ADAMTS20: variants seen among roughly 807,000 people sequenced by gnomAD.
ADAMTS20 encodes the protein A disintegrin and metalloproteinase with thrombospondin motifs 20.
A neutral mutation model predicts 260.1 loss-of-function variants in ADAMTS20; 225 were observed. That is an observed-to-expected ratio of 0.87 (90% CI 0.78 to 0.97). The LOEUF is 0.97. Ranked by LOEUF, ADAMTS20 falls within the 50% of genes least tolerant of loss-of-function variation. The pLI is 0.00. For missense variants in ADAMTS20, 2,400 were observed against 2,337.7 expected, an observed-to-expected ratio of 1.03 and a Z score of -0.55; for synonymous variants, 802 against 769.5, an observed-to-expected ratio of 1.04 and a Z score of -0.70.
At chr12:43,528,606 G>A (rs1264477840) in intron 3 of ADAMTS20, among the ~76,000 whole-genome samples, 1 of 151,934 alleles carries the variant, frequency 6.6e-6, no homozygotes, top group East Asian at 1.9e-4. Flanking sequence ...ATAGTCACCT[G>A]TAGAAGAATG....
chr12:43,451,692 A>T lies in ADAMTS20; in HGVS notation c.2079+582T>A, dbSNP rs531267706. Among the ~76,000 whole-genome samples the T allele has an allele frequency of 7.2e-5, 11 of 152,194 alleles. No individual in the cohort carries two copies. In the East Asian group the frequency reaches 2.1e-3, roughly 29 times the overall value. ...ATATCTCCATGCTACCTTGCAGATGACCCATAGCAGTGCATTCTAATTGTT... is the reference window on the plus strand; with the variant it reads ...ATATCTCCATGCTACCTTGCAGATGTCCCATAGCAGTGCATTCTAATTGTT... On this transcript the variant is annotated intron_variant, in intron 14 of 38. Transcript: ENST00000389420.
rs1241816884 is a variant in ADAMTS20 at position 43,552,104 on chromosome 12, G to T, written c.-183C>A. 6.6e-6 allele frequency among the ~76,000 whole-genome samples: 1 copy of T among 152,184 alleles called. No homozygotes were observed. Among genetic ancestry groups the T allele is most frequent in the African/African-American group, 2.4e-5 (1 of 41,454 alleles). The stretch of plus-strand genomic sequence containing the variant: ...CCAGCCACACCGCCTGTCTCCGCTC[G>T]CTGAGCCGCTGCTTCATCGCACTGC... On this transcript the variant is annotated 5_prime_UTR_variant, in exon 1 of 39. Transcript: ENST00000389420.
chr12:43,464,599 G>T lies in ADAMTS20; in HGVS notation c.1501C>A (p.Pro501Thr), dbSNP rs780705641. ...LAFGPGSQMC[P>T]HINICMHLWC... ...GAATTTTCTTTTCTTACTATATGGG[G>T]ACACATTTGTGACCCAGGACCAAAC... is the stretch of plus-strand genomic sequence containing the variant. The change falls in exon 10 of 39, where the codon CCC becomes ACC. Residue 501 changes from proline to threonine, a missense_variant. Physicochemically the swap from Pro to Thr is conservative, Grantham distance 38 (BLOSUM62 -1). Transcript: ENST00000389420. The T allele has an allele frequency of 2.9e-5, 47 of 1,612,008 alleles. No homozygotes were observed. The highest frequency in any genetic ancestry group is 3.5e-5 in the Non-Finnish European group (41 of 1,179,138).
At chr12:43,462,259 C>A (rs1021212634) in intron 11 of ADAMTS20, among the ~76,000 whole-genome samples, 11 of 152,214 alleles carry the variant, frequency 7.2e-5, no homozygotes, top group African/African-American at 2.7e-4. Context: ...AGACTAAACA[C>A]TTAATGTAGT....
Position 43,492,452 on chromosome 12 carries a change from G to C in ADAMTS20, c.1076+53C>G. ...AGAATTAAGAAGAAGTATCAGTCAT[G>C]CAGGAGGGAAGAGTAAAGGATTGTA... is the stretch of plus-strand genomic sequence containing the variant. On this transcript the variant is annotated intron_variant, in intron 6 of 38. Coordinates refer to ENST00000389420, the MANE Select transcript of ADAMTS20 (RefSeq NM_025003.5). 2.6e-6 allele frequency: 4 copies of C among 1,565,274 alleles called. 1 individual carries two copies. In the South Asian group the frequency reaches 4.6e-5, roughly 18 times the overall value.
At chr12:43,507,358 T>C (rs931824908) in intron 3 of ADAMTS20, among the ~76,000 whole-genome samples, 15 of 152,202 alleles carry the variant, frequency 9.9e-5, no homozygotes, top group African/African-American at 3.6e-4. Flanking sequence ...TGCTAGCTGA[T>C]GTAGCAGCAC....
At chr12:43,452,948 A>T (rs1326055307) in intron 12 of ADAMTS20, among the ~76,000 whole-genome samples, 1 of 152,204 alleles carries the variant, frequency 6.6e-6, no homozygotes, top group Non-Finnish European at 1.5e-5. Context: ...CTAGCAAGAA[A>T]CCAACAATGG....
chr12:43,537,775 T>G (rs1175131359), intron 2 of ADAMTS20, among the ~76,000 whole-genome samples: 2 of 152,232 alleles, frequency 1.3e-5, no homozygotes, highest in African/African-American at 4.8e-5. Context: ...GTGTACATCT[T>G]TATGTGCCTG....
rs1312415510 is a variant in ADAMTS20, at chr12:43,474,343, A to G, written c.1118-5638T>C. Among the ~76,000 whole-genome samples, 6 of 149,128 alleles carry G rather than the reference A, an allele frequency of 4.0e-5. No individual in the cohort carries two copies. The South Asian group carries it at 1.1e-3, about 27-fold the overall frequency. ...AACAGGAGCTGAAATTGTGGCAATA[A>G]TCAATAGTTTACCAACCAAAAAGAG... On this transcript the variant is annotated intron_variant, in intron 7 of 38. Transcript: ENST00000389420.
At chr12:43,499,138 T>C (rs1478868247) in intron 4 of ADAMTS20, among the ~76,000 whole-genome samples, 1 of 152,154 alleles carries the variant, frequency 6.6e-6, no homozygotes, top group Non-Finnish European at 1.5e-5. Flanking sequence ...CTTACCCTCC[T>C]TAATTTTTCC....
chr12:43,461,248 C>T (rs1250267010), intron 11 of ADAMTS20, among the ~76,000 whole-genome samples: 2 of 151,538 alleles, frequency 1.3e-5, no homozygotes, highest in Non-Finnish European at 2.9e-5. Flanking sequence ...GCCTCGGTCT[C>T]CCAAAGTGCT....
At chr12:43,448,223 C>A (rs1941798425) in intron 14 of ADAMTS20, among the ~76,000 whole-genome samples, 1 of 152,090 alleles carries the variant, frequency 6.6e-6, no homozygotes, top group African/African-American at 2.4e-5. Flanking sequence ...AGGTGTCATG[C>A]TACCCAACTT....
intron 29 of ADAMTS20, among the ~76,000 whole-genome samples, chr12:43,384,437 T>C (rs1940426397): frequency 6.6e-6 from 1 of 152,202 alleles, no homozygotes; most frequent in African/African-American, 2.4e-5. Context: ...TTTGTACCTG[T>C]TATGGAATCT....
chr12:43,497,783 C>G (rs1250742582), intron 4 of ADAMTS20, among the ~76,000 whole-genome samples: 11 of 151,896 alleles, frequency 7.2e-5, no homozygotes, highest in Admixed American at 7.2e-4. Flanking sequence ...TAATAGTAAC[C>G]ATAATTTAAT....
rs779534841 is a variant in ADAMTS20, at chr12:43,428,819, G to T, written c.3490-20C>A. The T allele has an allele frequency of 1.9e-6, 3 of 1,584,676 alleles. No homozygotes were observed. Among genetic ancestry groups the T allele is most frequent in the South Asian group, 2.3e-5 (2 of 85,976 alleles). On this transcript the variant is annotated intron_variant, in intron 24 of 38. Coordinates refer to ENST00000389420, the MANE Select transcript of ADAMTS20 (RefSeq NM_025003.5). ...GGAGCACTTTTTAAGAAATCAAATTGTATCCGGGCATTATACAGTAGTACC... is the reference window on the plus strand; with the variant it reads ...GGAGCACTTTTTAAGAAATCAAATTTTATCCGGGCATTATACAGTAGTACC...
At chr12:43,515,559 A>C (rs1260397475) in intron 3 of ADAMTS20, among the ~76,000 whole-genome samples, 1 of 152,198 alleles carries the variant, frequency 6.6e-6, no homozygotes, top group Non-Finnish European at 1.5e-5. Context: ...TGAAATGTTC[A>C]TCTAACCTTT....
rs1942199368 is a variant in ADAMTS20, at chr12:43,468,696, T to C, written c.1127A>G (p.Tyr376Cys). ...KEKCNMLGLS[Y>C]LGTICDPLQS... ...TAAAGGATCACATATGGTACCTAAATATGATAAACCTGAAAAATTTCACAT... is the reference window on the plus strand; with the variant it reads ...TAAAGGATCACATATGGTACCTAAACATGATAAACCTGAAAAATTTCACAT... The change falls in exon 8 of 39, where the codon TAT becomes TGT. Residue 376 changes from tyrosine (Y) to cysteine (C), a missense_variant. Transcript: ENST00000389420. 2 of 1,572,004 alleles carry C rather than the reference T, an allele frequency of 1.3e-6. No individual in the cohort carries two copies. Among genetic ancestry groups the C allele is most frequent in the East Asian group, 4.5e-5 (2 of 44,480 alleles).
rs1001459096 is a variant in ADAMTS20, at chr12:43,425,588, G to A, written c.4210C>T (p.Pro1404Ser). The part of the protein sequence containing the change: ...EDHNCEIVNK[P>S]PSVIQCHMHA... ...ATATGACACTGTATTACGCTAGGTG[G>A]CTTGTTTACAATTTCACAGTTGTGA... The change falls in exon 28 of 39, where the codon CCA (proline) becomes TCA (serine). Residue 1404 changes from proline (P) to serine (S), a missense_variant. By Grantham distance (74) the Pro-to-Ser change is moderately conservative (BLOSUM62 -1). Transcript: ENST00000389420. 3.7e-6 allele frequency: 6 copies of A among 1,609,876 alleles called. No individual in the cohort carries two copies. In the East Asian group the frequency reaches 6.7e-5, roughly 18 times the overall value.
intron 11 of ADAMTS20, among the ~76,000 whole-genome samples, chr12:43,462,157 TG>T (rs1326139140): frequency 6.6e-6 from 1 of 152,244 alleles, no homozygotes; most frequent in Non-Finnish European, 1.5e-5. Flanking sequence ...TTATCTTTTT[TG>T]GCTAATGTGA....
Sources: allele counts gnomAD v4.1 joint callset (sites outside exome capture counted in the v4.1 genomes callset), GRCh38; gene constraint gnomAD v4.1.1; transcripts MANE v1.5; gene names NCBI Gene and HGNC (gene_info 2026-07-23, HGNC 2026-07-21).